The following AP2B1 variants were observed in gnomAD, a reference collection of about 807,000 sequenced individuals.
AP2B1 encodes AP-2 complex subunit beta.
A neutral mutation model predicts 102.0 loss-of-function variants in AP2B1; 23 were observed. That is an observed-to-expected ratio of 0.23 (90% CI 0.16 to 0.32). The LOEUF (loss-of-function observed/expected upper bound fraction) is 0.32, where lower values mean the gene tolerates loss of function less well. Ranked by LOEUF, AP2B1 falls within the 10% of genes least tolerant of loss-of-function variation. The pLI, the probability that AP2B1 is intolerant of heterozygous loss-of-function variation, is 1.00. For missense variants in AP2B1, 541 were observed against 1,157.4 expected (o/e 0.47, Z 7.73); for synonymous variants, 381 against 421.2 (o/e 0.90, Z 1.17).
chr17:35,720,569 ATATATTTTTTTTT>A (rs1333756472), intron 21 of AP2B1, among the ~76,000 whole-genome samples: 840 of 50,338 alleles, frequency 0.017, 5 homozygotes, highest in Non-Finnish European at 0.023. Flanking sequence ...ATATATATAT[ATATATTTTTTTTT>A]TTTTTTTTTT....
chr17:35,720,573 ATTTTTTT>A (rs1208973388), intron 21 of AP2B1, among the ~76,000 whole-genome samples: 615 of 27,876 alleles, frequency 0.022, 5 homozygotes, highest in African/African-American at 0.026. Context: ...ATATATATAT[ATTTTTTT>A]TTTTTTTTTT....
At chr17:35,596,857 C>A in intron 2 of AP2B1, 1 of 684,560 alleles carries the variant, frequency 1.5e-6, no homozygotes, top group Admixed American at 1.8e-5. Context: ...ACAGGCCGCC[C>A]AGCAGGAAGA....
At chr17:35,699,424 T>G (rs2076199536) in intron 18 of AP2B1, among the ~76,000 whole-genome samples, 1 of 152,196 alleles carries the variant, frequency 6.6e-6, no homozygotes, top group Non-Finnish European at 1.5e-5. Context: ...TGAGAATAAA[T>G]CAGTATGGCT....
At chr17:35,661,169 C>CT (rs1279916954) in intron 14 of AP2B1, among the ~76,000 whole-genome samples, 1 of 152,122 alleles carries the variant, frequency 6.6e-6, no homozygotes, top group African/African-American at 2.4e-5. Flanking sequence ...GTTCTCAACT[C>CT]TATCTGCAGA....
chr17:35,644,265 C>T (rs2074863216), intron 12 of AP2B1, among the ~76,000 whole-genome samples: 1 of 152,176 alleles, frequency 6.6e-6, no homozygotes, highest in African/African-American at 2.4e-5. Context: ...TTGGAGAATA[C>T]CTATTCCCTG....
chr17:35,681,687 A>C (rs587766025), intron 17 of AP2B1, among the ~76,000 whole-genome samples: 1 of 152,122 alleles, frequency 6.6e-6, no homozygotes, highest in East Asian at 1.9e-4. Flanking sequence ...ACAGGCGTGA[A>C]CCACCACACC....
At chr17:35,681,167 G>A (rs967303758) in intron 17 of AP2B1, among the ~76,000 whole-genome samples, 4 of 152,120 alleles carry the variant, frequency 2.6e-5, no homozygotes, top group African/African-American at 9.7e-5. Flanking sequence ...CCTGCCTGAA[G>A]CTTAGAAAGT....
intron 18 of AP2B1, among the ~76,000 whole-genome samples, chr17:35,695,804 A>G: frequency 6.6e-6 from 1 of 152,030 alleles, no homozygotes; most frequent in East Asian, 1.9e-4. Flanking sequence ...CCCTTTAATG[A>G]TAGCTACACA....
intron 1 of AP2B1, among the ~76,000 whole-genome samples, chr17:35,593,432 C>T (rs1289312926): frequency 2.0e-5 from 2 of 101,124 alleles, no homozygotes; most frequent in Non-Finnish European, 3.9e-5. Context: ...CTACTAAATA[C>T]CCACAAAACT....
chr17:35,719,852 A>C (rs587727410), intron 21 of AP2B1, among the ~76,000 whole-genome samples: 1 of 152,312 alleles, frequency 6.6e-6, no homozygotes, highest in East Asian at 1.9e-4. Flanking sequence ...TTTTTTTTAA[A>C]GAAATACAGT....
At chr17:35,616,473 A>G (rs1284194586) in intron 5 of AP2B1, among the ~76,000 whole-genome samples, 1 of 151,960 alleles carries the variant, frequency 6.6e-6, no homozygotes, top group Non-Finnish European at 1.5e-5. Flanking sequence ...CTGCCAAAAT[A>G]CCTCATTTTT....
chr17:35,602,851 G>A (rs897566518), intron 3 of AP2B1, among the ~76,000 whole-genome samples: 1 of 152,164 alleles, frequency 6.6e-6, no homozygotes, highest in East Asian at 1.9e-4. Flanking sequence ...TCTTGACCTT[G>A]TGTAGATTGC....
At chr17:35,688,793 A>G (rs1298821258) in intron 18 of AP2B1, among the ~76,000 whole-genome samples, 5 of 152,158 alleles carry the variant, frequency 3.3e-5, no homozygotes, top group South Asian at 4.2e-4. Context: ...ACGAAACCCT[A>G]TCTCTACTAA....
At position 35,657,808 on chromosome 17, in the gene AP2B1, C is replaced by T. The variant is rs762829572; in HGVS notation, c.1989+17C>T. 62 of 1,598,076 alleles carry T rather than the reference C, an allele frequency of 3.9e-5. No homozygotes were observed. The highest frequency in any genetic ancestry group is 4.0e-4 in the Middle Eastern group (2 of 5,014). On this transcript the variant is annotated intron_variant, in intron 14 of 21. Coordinates refer to ENST00000610402, the MANE Select transcript of AP2B1 (RefSeq NM_001030006.2). ...GATAGTCTGGTAAGCATCTTTCTTC[C>T]CTTGTTCTTTTGGTTATTTTTAGTT... is the stretch of plus-strand genomic sequence containing the variant.
At chr17:35,704,891 C>T (rs1346599484) in intron 18 of AP2B1, among the ~76,000 whole-genome samples, 2 of 151,912 alleles carry the variant, frequency 1.3e-5, no homozygotes, top group African/African-American at 4.8e-5. Context: ...ATTAGGTGGA[C>T]GTGGTGGCAC....
intron 5 of AP2B1, among the ~76,000 whole-genome samples, chr17:35,613,980 C>A (rs536535625): frequency 6.6e-6 from 1 of 152,040 alleles, no homozygotes; most frequent in African/African-American, 2.4e-5. Flanking sequence ...AAATGTGTAT[C>A]TTTTTGGTAT....
At chr17:35,664,409 C>G (rs2075419262) in intron 14 of AP2B1, among the ~76,000 whole-genome samples, 1 of 152,134 alleles carries the variant, frequency 6.6e-6, no homozygotes, top group Non-Finnish European at 1.5e-5. Flanking sequence ...ACATGCTGCA[C>G]ACATGGCTAA....
intron 18 of AP2B1, among the ~76,000 whole-genome samples, chr17:35,705,030 CAAAAAAA>C (rs767750463): frequency 6.7e-6 from 1 of 150,244 alleles, no homozygotes; most frequent in East Asian, 1.9e-4. Flanking sequence ...GACTCTGTCT[CAAAAAAA>C]GAAAAAAGAA....
At chr17:35,629,809 G>A (rs1253075904) in intron 9 of AP2B1, among the ~76,000 whole-genome samples, 1 of 152,204 alleles carries the variant, frequency 6.6e-6, no homozygotes, top group Non-Finnish European at 1.5e-5. Flanking sequence ...TTAGAGGGCA[G>A]ATTGGTTTCT....
Sources: allele counts gnomAD v4.1 joint callset (sites outside exome capture counted in the v4.1 genomes callset), GRCh38; gene constraint gnomAD v4.1.1; transcripts MANE v1.5; gene names NCBI Gene and HGNC (gene_info 2026-07-23, HGNC 2026-07-21).